Variants in KCNJ1 observed in about 807,000 individuals in gnomAD.
KCNJ1 encodes potassium inwardly rectifying channel subfamily J member 1.
Under a neutral mutation model 21.9 loss-of-function variants are expected in KCNJ1, and 24 were observed. That is an observed-to-expected ratio of 1.10 (90% confidence interval 0.79 to 1.54). The LOEUF is 1.54. Among genes scored for constraint, KCNJ1 ranks in the 40% most tolerant of loss-of-function variants. The pLI, the probability that KCNJ1 is intolerant of heterozygous loss-of-function variation, is 0.00. For synonymous variants in KCNJ1, 152 were observed against 160.9 expected (o/e 0.94, Z 0.42); for missense variants, 457 against 455.4 (o/e 1.00, Z -0.03).
intron 1 of KCNJ1, among the ~76,000 whole-genome samples, chr11:128,852,854 C>T (rs191357300): frequency 6.6e-6 from 1 of 152,358 alleles, no homozygotes; most frequent in African/African-American, 2.4e-5. Flanking sequence ...GGGCATCCCC[C>T]TAGACCTTAG....
intron 1 of KCNJ1, among the ~76,000 whole-genome samples, chr11:128,865,734 G>A (rs2135965550): frequency 6.6e-6 from 1 of 152,238 alleles, no homozygotes; most frequent in Non-Finnish European, 1.5e-5. Flanking sequence ...GTGACAAGGT[G>A]CAGGGTAGAC....
chr11:128,851,018 A>G, intron 1 of KCNJ1, 128 bp from the exon 2 acceptor site: 1 of 327,128 alleles, frequency 3.1e-6, no homozygotes, highest in Non-Finnish European at 4.4e-6. Context: ...AAAGGTAGAA[A>G]GGTCAGCTTG....
Position 128,838,892 on chromosome 11 carries a change from C to G in KCNJ1, c.*233G>C. On this transcript the variant is annotated 3_prime_UTR_variant, in exon 3 of 3. Coordinates refer to ENST00000392666, the MANE Select transcript of KCNJ1 (RefSeq NM_153766.3). ...CATATTTAAGATTTCAAGAGAGCACCTATGTCTTCCATACACCAGTTTCAT... is the reference window on the plus strand; with the variant it reads ...CATATTTAAGATTTCAAGAGAGCACGTATGTCTTCCATACACCAGTTTCAT... 1.1e-5 allele frequency: 6 copies of G among 563,662 alleles called. No homozygotes were observed. The allele number at this position is 563,662 out of a possible 1,614,324, so 34.9% of individuals were successfully genotyped here. A position where few individuals can be genotyped will look rare whatever the true frequency, so the allele number is the denominator to read the frequency against.
Position 128,840,043 on chromosome 11 carries a change from T to C in KCNJ1, c.201A>G (p.Thr67=), listed in dbSNP as rs759379505. The change falls in exon 3 of 3, where the codon ACA becomes ACG. Residue 67 remains threonine, a synonymous_variant. Transcript: ENST00000392666. ...KWRYKMTIFI[T]AFLGSWFFFG... is the part of the protein sequence containing the mutation. Reference sequence around the variant, plus strand: ...AGAAAAACCAACTCCCCAAGAAGGCTGTGATGAAAATGGTCATTTTGTATC... The same window carrying C: ...AGAAAAACCAACTCCCCAAGAAGGCCGTGATGAAAATGGTCATTTTGTATC... 1.2e-6 allele frequency: 2 copies of C among 1,614,190 alleles called. No homozygotes were observed. Among genetic ancestry groups the C allele is most frequent in the African/African-American group, 1.3e-5 (1 of 75,054 alleles).
At chr11:128,860,306 C>G (rs1368145855) in intron 1 of KCNJ1, among the ~76,000 whole-genome samples, 5 of 152,214 alleles carry the variant, frequency 3.3e-5, no homozygotes, top group Admixed American at 6.5e-5. Context: ...GTTGACTAGA[C>G]AGGCCGGCAG....
intron 1 of KCNJ1, among the ~76,000 whole-genome samples, chr11:128,865,028 C>T (rs1943792769): frequency 6.6e-6 from 1 of 152,106 alleles, no homozygotes; most frequent in Non-Finnish European, 1.5e-5. Flanking sequence ...GCTTCCCTCA[C>T]CCCTCCCCTG....
At position 128,839,249 on chromosome 11, in the gene KCNJ1, T is replaced by A; in HGVS notation, c.995A>T (p.Glu332Val). Residue 332 changes from glutamate (E) to valine (V), a missense_variant, in exon 3 of 3, where the codon GAG becomes GTG. Glu to Val is a moderately radical substitution (Grantham distance 121, BLOSUM62 -2). Transcript: ENST00000392666. ...FHNFSKTVEV[E>V]TPHCAMCLYN... ...AAGGCACATGGCACAGTGAGGGGTCTCCACTTCCACTGTCTTGCTAAAGTT... is the reference window on the plus strand; with the variant it reads ...AAGGCACATGGCACAGTGAGGGGTCACCACTTCCACTGTCTTGCTAAAGTT... 1 of 1,614,168 alleles carries A rather than the reference T, an allele frequency of 6.2e-7. No homozygotes were observed.
At chr11:128,849,107 T>C (rs1483960267) in intron 2 of KCNJ1, among the ~76,000 whole-genome samples, 1 of 152,138 alleles carries the variant, frequency 6.6e-6, no homozygotes, top group East Asian at 1.9e-4. Context: ...ATACAAAATC[T>C]CTTAAAGGTG....
At position 128,838,587 on chromosome 11, in the gene KCNJ1, C is replaced by G. The variant is rs1440109392; in HGVS notation, c.*538G>C. On this transcript the variant is annotated 3_prime_UTR_variant, in exon 3 of 3. Coordinates refer to ENST00000392666, the MANE Select transcript of KCNJ1 (RefSeq NM_153766.3). ...CTGTCTAAACGTACCACATGAGAAG[C>G]TTAGAGCCTCAAATTGTTCTTTGTG... is the stretch of plus-strand genomic sequence containing the variant. 1 of 161,266 alleles carries G rather than the reference C, an allele frequency of 6.2e-6. No homozygotes were observed. The highest frequency in any genetic ancestry group is 1.4e-5 in the Non-Finnish European group (1 of 73,970). The allele number at this position is 161,266 out of a possible 1,614,324, so 10.0% of individuals were successfully genotyped here. A position where few individuals can be genotyped will look rare whatever the true frequency, so the allele number is the denominator to read the frequency against.
intron 2 of KCNJ1, among the ~76,000 whole-genome samples, chr11:128,841,128 C>A (rs1373128268): frequency 6.6e-6 from 1 of 152,184 alleles, no homozygotes; most frequent in East Asian, 1.9e-4. Context: ...AAGCCTGTTC[C>A]TACTCTCTCC....
Position 128,839,465 on chromosome 11 carries a change from A to G in KCNJ1, c.779T>C (p.Phe260Ser), listed in dbSNP as rs1302134915. 4 of 1,614,062 alleles carry G rather than the reference A, an allele frequency of 2.5e-6. No homozygotes were observed. In the South Asian group the frequency reaches 4.4e-5, roughly 18 times the overall value. The change falls in exon 3 of 3, where the codon TTC becomes TCC. Residue 260 changes from phenylalanine (F) to serine (S), a missense_variant. Phe to Ser is a radical substitution (Grantham distance 155). Transcript: ENST00000392666. ...GAGAAGGGTCTCCGCTGCCATGTGG[A>G]AGAAAGGGCTGTTGTGATCAATGAC... ...YHVIDHNSPF[F>S]HMAAETLLQQ...
intron 2 of KCNJ1, among the ~76,000 whole-genome samples, chr11:128,841,456 T>G (rs540398162): frequency 6.6e-6 from 1 of 152,268 alleles, no homozygotes; most frequent in African/African-American, 2.4e-5. Context: ...GAAGGGCCTG[T>G]CCCATAAACA....
chr11:128,864,885 C>T (rs990631386), intron 1 of KCNJ1, among the ~76,000 whole-genome samples: 1 of 152,114 alleles, frequency 6.6e-6, no homozygotes, highest in Non-Finnish European at 1.5e-5. Flanking sequence ...CTACTCTAGT[C>T]CACCTTGCAC....
chr11:128,864,224 C>T (rs1301381118), intron 1 of KCNJ1, among the ~76,000 whole-genome samples: 1 of 151,700 alleles, frequency 6.6e-6, no homozygotes, highest in Non-Finnish European at 1.5e-5. Context: ...GAAGCTGGGA[C>T]TACAGGTGTG....
At chr11:128,862,854 C>T (rs891467473) in intron 1 of KCNJ1, among the ~76,000 whole-genome samples, 1 of 152,218 alleles carries the variant, frequency 6.6e-6, no homozygotes, top group Non-Finnish European at 1.5e-5. Flanking sequence ...AAAATGGTCA[C>T]ATGCACTTTC....
At chr11:128,841,808 T>A (rs1002296897) in intron 2 of KCNJ1, among the ~76,000 whole-genome samples, 1 of 152,090 alleles carries the variant, frequency 6.6e-6, no homozygotes, top group African/African-American at 2.4e-5. Context: ...TGAGGGCAGG[T>A]TCTAAAGACA....
chr11:128,840,111 A>T lies in KCNJ1; in HGVS notation c.133T>A (p.Phe45Ile). The T allele has an allele frequency of 6.2e-7, 1 of 1,614,196 alleles. No individual in the cohort carries two copies. Among genetic ancestry groups the T allele is most frequent in the Non-Finnish European group, 8.5e-7 (1 of 1,180,034 alleles). ...ACCGTTGTCCAGATGTCCACAAAGA[A>T]TATAAACCTTGACTGTGCCTCCACA... ...GNVEAQSRFI[F>I]FVDIWTTVLD... The change falls in exon 3 of 3, where the codon TTC (phenylalanine) becomes ATC (isoleucine). Residue 45 changes from phenylalanine (F) to isoleucine (I), a missense_variant. Physicochemically the swap from Phe to Ile is conservative, Grantham distance 21. Coordinates refer to ENST00000392666, the MANE Select transcript of KCNJ1 (RefSeq NM_153766.3).
chr11:128,858,262 A>G (rs1028901239), intron 1 of KCNJ1, among the ~76,000 whole-genome samples: 4 of 151,956 alleles, frequency 2.6e-5, no homozygotes, highest in African/African-American at 9.7e-5. Context: ...AAGGAAATGC[A>G]TGCTACAGAC....
intron 1 of KCNJ1, among the ~76,000 whole-genome samples, chr11:128,865,270 C>T (rs1431196320): frequency 2.6e-5 from 4 of 152,078 alleles, no homozygotes; most frequent in African/African-American, 9.7e-5. Flanking sequence ...CTATGAGCTA[C>T]ATTTCTGTGT....
Sources: allele counts gnomAD v4.1 joint callset (sites outside exome capture counted in the v4.1 genomes callset), GRCh38; gene constraint gnomAD v4.1.1; transcripts MANE v1.5; gene names NCBI Gene and HGNC (gene_info 2026-07-23, HGNC 2026-07-21).